FAT2: variants seen among roughly 807,000 people sequenced by gnomAD.
FAT2 encodes the protein protocadherin Fat 2.
A neutral mutation model predicts 295.3 loss-of-function variants in FAT2; 150 were observed. That is an observed-to-expected ratio of 0.51 (90% CI 0.44 to 0.58). FAT2 has a LOEUF of 0.58. Among genes scored for constraint, FAT2 ranks in the 20% least tolerant of loss-of-function variants. The probability of loss-of-function intolerance (pLI) is 0.00; values close to 1 mark genes in which losing one functional copy is unlikely to be tolerated. For synonymous variants in FAT2, 2,026 were observed against 2,150.3 expected, an observed-to-expected ratio of 0.94 and a Z score of 1.60; for missense variants, 4,868 against 5,442.7, an observed-to-expected ratio of 0.89 and a Z score of 3.32.
rs758308490 is a variant in FAT2, at chr5:151,546,122, T to C, written c.5005A>G (p.Ile1669Val). The change falls in exon 10 of 24, where the codon ATC (isoleucine) becomes GTC (valine). Residue 1669 changes from isoleucine (I) to valine (V), a missense_variant. Ile to Val is a conservative substitution (Grantham distance 29). Coordinates refer to ENST00000261800, the MANE Select transcript of FAT2 (RefSeq NM_001447.3). The stretch of plus-strand genomic sequence containing the variant: ...GAACCAACAGGGATTGATTCAGGGA[T>C]CTCTACAAAGTACTCAGATTTTGAA... ...IFSKSEYFVE[I>V]PESIPVGSPI... 1.9e-6 allele frequency: 3 copies of C among 1,614,006 alleles called. No individual in the cohort carries two copies. Among genetic ancestry groups the C allele is most frequent in the South Asian group, 1.1e-5 (1 of 91,076 alleles).
At chr5:151,541,286 C>T (rs1221034095) in intron 10 of FAT2, among the ~76,000 whole-genome samples, 2 of 152,174 alleles carry the variant, frequency 1.3e-5, no homozygotes, top group Non-Finnish European at 2.9e-5. Flanking sequence ...ATTTCTCACT[C>T]TGAGATCCTA....
chr5:151,580,526 T>A lies in FAT2; in HGVS notation c.-21+10639A>T, dbSNP rs181573371. On this transcript the variant is annotated intron_variant, in intron 1 of 23. Coordinates refer to ENST00000261800, the MANE Select transcript of FAT2 (RefSeq NM_001447.3). Reference sequence around the variant, plus strand: ...TGTGTAGAATGTAGGAATTATTTTCTGTACATGTGCGGACTCTCATTCGGG... The same window carrying A: ...TGTGTAGAATGTAGGAATTATTTTCAGTACATGTGCGGACTCTCATTCGGG... 3.3e-5 allele frequency among the ~76,000 whole-genome samples: 5 copies of A among 152,360 alleles called. No homozygotes were observed. In the East Asian group the frequency reaches 9.7e-4, roughly 29 times the overall value.
intron 2 of FAT2, 26 bp downstream of exon 2, chr5:151,565,647 A>ACGCCCC: frequency 9.5e-5 from 139 of 1,460,996 alleles, no homozygotes; most frequent in East Asian, 1.2e-4. Flanking sequence ...TGGCCCTGGC[A>ACGCCCC]CCCCACCCTA....
intron 3 of FAT2, among the ~76,000 whole-genome samples, chr5:151,560,743 A>G (rs1245396375): frequency 6.6e-6 from 1 of 152,236 alleles, no homozygotes; most frequent in Non-Finnish European, 1.5e-5. Flanking sequence ...TGTTTTATTT[A>G]TCTTCATATA....
At chr5:151,588,067 G>A (rs1290850102) in intron 1 of FAT2, among the ~76,000 whole-genome samples, 1 of 152,176 alleles carries the variant, frequency 6.6e-6, no homozygotes, top group African/African-American at 2.4e-5. Flanking sequence ...GGTTCTTCGA[G>A]TTGTACAGTT....
Position 151,565,995 on chromosome 5 carries a change from C to T in FAT2, c.2937G>A (p.Gly979=). 1 of 1,614,158 alleles carries T rather than the reference C, an allele frequency of 6.2e-7. No homozygotes were observed. The highest frequency in any genetic ancestry group is 8.5e-7 in the Non-Finnish European group (1 of 1,180,024). The change falls in exon 2 of 24, where the codon GGG becomes GGA. Residue 979 remains glycine, a synonymous_variant. Transcript: ENST00000261800. ...HGTFRVDLMT[G]ALILERELDF... is the part of the protein sequence containing the mutation. Reference sequence around the variant, plus strand: ...CCAGCTCTCTCTCCAGAATGAGCGCCCCTGTCATCAGGTCCACCCGGAAGG... The same window carrying T: ...CCAGCTCTCTCTCCAGAATGAGCGCTCCTGTCATCAGGTCCACCCGGAAGG...
chr5:151,540,860 T>C (rs1481470437), intron 10 of FAT2, 97 bp from the exon 11 acceptor site: 1 of 1,143,718 alleles, frequency 8.7e-7, no homozygotes, highest in Non-Finnish European at 1.2e-6. Context: ...TTTTTAGAAT[T>C]GTTGGGAAAG....
chr5:151,523,705 T>A (rs552431464), intron 18 of FAT2, among the ~76,000 whole-genome samples: 1 of 152,322 alleles, frequency 6.6e-6, no homozygotes, highest in South Asian at 2.1e-4. Context: ...ATCACATCCA[T>A]GCTCTTGGCT....
At chr5:151,539,814 C>T (rs1048363148) in intron 11 of FAT2, among the ~76,000 whole-genome samples, 3 of 152,246 alleles carry the variant, frequency 2.0e-5, no homozygotes, top group Non-Finnish European at 4.4e-5. Context: ...ACACACCCCA[C>T]TCAACATTTG....
chr5:151,566,978 TG>T lies in FAT2; in HGVS notation c.1953del (p.Thr652GlnfsTer3). On this transcript the variant is annotated frameshift_variant, in exon 2 of 24. Coordinates refer to ENST00000261800, the MANE Select transcript of FAT2 (RefSeq NM_001447.3). LOFTEE classifies it high-confidence loss of function. The stretch of plus-strand genomic sequence containing the variant: ...TTCACCACAGTAATATTCAAAGTTG[TG>T]GGTGAGGCATAGTTTTTGCCATCTG... ...TASDGKNYAS[P>X]TTLNITVVKD... 2.5e-6 allele frequency: 4 copies of T among 1,614,108 alleles called. No homozygotes were observed. Among genetic ancestry groups the T allele is most frequent in the Non-Finnish European group, 3.4e-6 (4 of 1,179,996 alleles).
chr5:151,507,674 C>G, intron 22 of FAT2, 63 bp from the exon 23 acceptor site: 1 of 1,441,998 alleles, frequency 6.9e-7, no homozygotes, highest in Non-Finnish European at 9.3e-7. Flanking sequence ...TCCCCTCTTA[C>G]AGAGATCTAT....
intron 15 of FAT2, among the ~76,000 whole-genome samples, chr5:151,528,345 G>A (rs1364167843): frequency 6.6e-6 from 1 of 152,098 alleles, no homozygotes; most frequent in Non-Finnish European, 1.5e-5. Context: ...ATTCACTCTT[G>A]CTAACAGCAT....
chr5:151,545,383 G>A lies in FAT2; in HGVS notation c.5744C>T (p.Ala1915Val), dbSNP rs2127612021. Reference protein sequence around the residue: ...YSIKTGNADEAVTIHPVTGSI... With the variant: ...YSIKTGNADEVVTIHPVTGSI... ...ACCAGTGACAGGATGGATGGTAACA[G>A]CTTCATCAGCATTGCCAGTTTTGAT... Residue 1915 changes from alanine to valine, a missense_variant, in exon 10 of 24, where the codon GCT (alanine) becomes GTT (valine). Around this residue, in one of 5 missense-constraint regions of FAT2, gnomAD observed 3,297 missense variants for 3,669.4 expected, o/e 0.90. Transcript: ENST00000261800. The A allele has an allele frequency of 1.2e-6, 2 of 1,614,166 alleles. No individual in the cohort carries two copies. The highest frequency in any genetic ancestry group is 1.7e-6 in the Non-Finnish European group (2 of 1,180,018).
At position 151,549,352 on chromosome 5, in the gene FAT2, G is replaced by C. The variant is rs1415350317; in HGVS notation, c.4732C>G (p.Arg1578Gly). 1.2e-6 allele frequency: 2 copies of C among 1,613,900 alleles called. No individual in the cohort carries two copies. The highest frequency in any genetic ancestry group is 1.7e-5 in the Admixed American group (1 of 60,016). Residue 1578 changes from arginine to glycine, a missense_variant, in exon 9 of 24, where the codon CGA becomes GGA. Coordinates refer to ENST00000261800, the MANE Select transcript of FAT2 (RefSeq NM_001447.3). Reference sequence around the variant, plus strand: ...ACTCCCCGGTCAGCATCCATGGCTCGGACCTGCAGCAGCTCTGTGCCGGGG... The same window carrying C: ...ACTCCCCGGTCAGCATCCATGGCTCCGACCTGCAGCAGCTCTGTGCCGGGG... ...IAPGTELLQV[R>G]AMDADRGVNA...
chr5:151,568,579 A>T lies in FAT2; in HGVS notation c.353T>A (p.Ile118Asn), dbSNP rs1240135610. 1 of 1,613,934 alleles carries T rather than the reference A, an allele frequency of 6.2e-7. No homozygotes were observed. Among genetic ancestry groups the T allele is most frequent in the Non-Finnish European group, 8.5e-7 (1 of 1,179,968 alleles). ...CAAGGTCTTCTCTGTGGCTTGGATG[A>T]TGAGGGTGTAGCTGTCTCGCACCTC... is the stretch of plus-strand genomic sequence containing the variant. ...NREVRDSYTL[I>N]IQATEKTLEL... The change falls in exon 2 of 24, where the codon ATC (isoleucine) becomes AAC (asparagine). Residue 118 changes from isoleucine to asparagine, a missense_variant. Ile to Asn is a moderately radical substitution (Grantham distance 149). Around this residue, in one of 5 missense-constraint regions of FAT2, gnomAD observed 3,297 missense variants for 3,669.4 expected, o/e 0.90. Coordinates refer to ENST00000261800, the MANE Select transcript of FAT2 (RefSeq NM_001447.3).
At chr5:151,510,205 G>T (rs781681155) in intron 21 of FAT2, 31 bp from the exon 22 acceptor site, 1 of 1,611,826 alleles carries the variant, frequency 6.2e-7, no homozygotes, top group Middle Eastern at 1.7e-4. Context: ...GTGAGAGACC[G>T]CACTGGCCTA....
At position 151,542,143 on chromosome 5, in the gene FAT2, T is replaced by G. The variant is rs1756211910; in HGVS notation, c.8842+142A>C. ...ATGCCAAGTCTATAGGTGGAGAAAC[T>G]GAGGTCCTAGGGGGTTAAGTGTGCC... On this transcript the variant is annotated intron_variant, in intron 10 of 23. Coordinates refer to ENST00000261800, the MANE Select transcript of FAT2 (RefSeq NM_001447.3). 1.9e-5 allele frequency: 13 copies of G among 684,104 alleles called. No individual in the cohort carries two copies. The East Asian group carries it at 3.4e-4, about 18-fold the overall frequency. The allele number at this position is 684,104 out of a possible 1,614,324, so 42.4% of individuals were successfully genotyped here. A position where few individuals can be genotyped will look rare whatever the true frequency, so the allele number is the denominator to read the frequency against.
Position 151,512,562 on chromosome 5 carries a change from A to G in FAT2, c.11508T>C (p.Gly3836=). 1 of 1,613,678 alleles carries G rather than the reference A, an allele frequency of 6.2e-7. No individual in the cohort carries two copies. The highest frequency in any genetic ancestry group is 1.1e-5 in the South Asian group (1 of 91,020). Residue 3836 remains glycine (G), a synonymous_variant, in exon 21 of 24, where the codon GGT becomes GGC. Transcript: ENST00000261800. This position sits in a 1 kb window ranked among gnomAD's most constrained non-coding sequence, Gnocchi z 4.1. ...VPQLEYHCLG[G]FYGNLSSQRH... ...GCTGGGAGGAAAGGTTTCCATAGAAACCACCCAGACAGTGGTATTCCAGCT... is the reference window on the plus strand; with the variant it reads ...GCTGGGAGGAAAGGTTTCCATAGAAGCCACCCAGACAGTGGTATTCCAGCT...
intron 1 of FAT2, among the ~76,000 whole-genome samples, chr5:151,589,823 C>T (rs1759328379): frequency 6.6e-6 from 1 of 152,092 alleles, no homozygotes; most frequent in African/African-American, 2.4e-5. Flanking sequence ...ATTGCTTGGG[C>T]CCAGGAGGTG....
Sources: allele counts gnomAD v4.1 joint callset (sites outside exome capture counted in the v4.1 genomes callset), GRCh38; gene constraint gnomAD v4.1.1; regional missense constraint gnomAD v4.1.1; non-coding constraint Gnocchi (gnomAD v3.1); transcripts MANE v1.5; gene names NCBI Gene and HGNC (gene_info 2026-07-23, HGNC 2026-07-21).